GPR85: variants seen among roughly 807,000 people sequenced by gnomAD.
GPR85 encodes G protein-coupled receptor 85.
Under a neutral mutation model 21.3 loss-of-function variants are expected in GPR85, and 7 were observed. That is an observed-to-expected ratio of 0.33 (90% CI 0.19 to 0.62). The LOEUF is 0.62. Ranked by LOEUF, GPR85 falls within the 20% of genes least tolerant of loss-of-function variation. The probability of loss-of-function intolerance (pLI) is 0.80; values close to 1 mark genes in which losing one functional copy is unlikely to be tolerated. For synonymous variants in GPR85, 167 were observed against 166.1 expected, an observed-to-expected ratio of 1.01 and a Z score of -0.04; for missense variants, 299 against 443.8, an observed-to-expected ratio of 0.67 and a Z score of 2.93.
rs1562996778 is a variant in GPR85 at position 113,086,403 on chromosome 7, T to TG, written c.-371_-370insC. ...TTTTCTTTTTTTCTTTTTCTTTTTT[T>TG]TTTTTTTTTTTTTGTTTTTTGTTTT... On this transcript the variant is annotated 5_prime_UTR_variant, in exon 1 of 3. The change creates a premature stop within an existing upstream ORF in the 5' untranslated region. Transcript: ENST00000424100. 9 of 92,690 alleles carry TG rather than the reference T, an allele frequency of 9.7e-5. No individual in the cohort carries two copies. The highest frequency in any genetic ancestry group is 3.6e-4 in the East Asian group (1 of 2,768). 5.7% of individuals were successfully genotyped at this position (92,690 alleles called of 1,614,324 possible).
chr7:113,083,437 G>C lies in GPR85; in HGVS notation c.*172C>G, dbSNP rs1794188729. On this transcript the variant is annotated 3_prime_UTR_variant, in exon 3 of 3. Coordinates refer to ENST00000424100, the MANE Select transcript of GPR85 (RefSeq NM_001146267.2). This position sits in a 1 kb window ranked among gnomAD's most constrained non-coding sequence, Gnocchi z 4.4. ...TGCTGGCAGTCAGCAGGATCACTCT[G>C]AGATTTAAAATAGGATTATAGGTGA... 3.1e-6 allele frequency: 2 copies of C among 637,542 alleles called. No individual in the cohort carries two copies. The highest frequency in any genetic ancestry group is 5.4e-5 in the East Asian group (2 of 37,152). The allele number at this position is 637,542 out of a possible 1,614,324, so 39.5% of individuals were successfully genotyped here. A position where few individuals can be genotyped will look rare whatever the true frequency, so the allele number is the denominator to read the frequency against.
In GPR85 at chr7:113,084,221, C is replaced by T. The variant is rs1290995664; in HGVS notation, c.501G>A (p.Arg167=). Residue 167 remains arginine (R), a synonymous_variant, in exon 3 of 3, where the codon AGG becomes AGA. Transcript: ENST00000424100. ...GTTGGAAGGTGCATTGATCTTCCTC[C>T]CTAATGAATGAGTAAGTGCCCACGT... ...VLDVGTYSFI[R]EEDQCTFQHR... is the part of the protein sequence containing the mutation. 6 of 1,613,930 alleles carry T rather than the reference C, an allele frequency of 3.7e-6. No homozygotes were observed. The highest frequency in any genetic ancestry group is 2.2e-5 in the South Asian group (2 of 91,086).
rs1794231940 is a variant in GPR85, at chr7:113,084,847, A to C, written c.-126T>G. On this transcript the variant is annotated 5_prime_UTR_variant, in exon 3 of 3. Coordinates refer to ENST00000424100, the MANE Select transcript of GPR85 (RefSeq NM_001146267.2). ...CACAAAGAGAACTGATCTGATCTGC[A>C]GTCATGCTTCCTCTTTTCTTCCACT... 1.8e-6 allele frequency: 1 copy of C among 557,508 alleles called. No homozygotes were observed. 34.5% of individuals were successfully genotyped at this position (557,508 alleles called of 1,614,324 possible).
Position 113,083,538 on chromosome 7 carries a change from A to G in GPR85, c.*71T>C, listed in dbSNP as rs1794190974. On this transcript the variant is annotated 3_prime_UTR_variant, in exon 3 of 3. Coordinates refer to ENST00000424100, the MANE Select transcript of GPR85 (RefSeq NM_001146267.2). This position sits in a 1 kb window ranked among gnomAD's most constrained non-coding sequence, Gnocchi z 4.4. ...CCATTCTTGAATTTCTTCTCAAAAT[A>G]TGGCTATGGGCCACAATTGCTCAGC... 2 of 1,345,614 alleles carry G rather than the reference A, an allele frequency of 1.5e-6. No individual in the cohort carries two copies. Among genetic ancestry groups the G allele is most frequent in the African/African-American group, 1.5e-5 (1 of 68,428 alleles). The allele number at this position is 1,345,614 out of a possible 1,614,324, so 83.4% of individuals were successfully genotyped here. A position where few individuals can be genotyped will look rare whatever the true frequency, so the allele number is the denominator to read the frequency against.
intron 2 of GPR85, among the ~76,000 whole-genome samples, chr7:113,085,119 G>GA (rs1794240560): frequency 6.6e-6 from 1 of 152,156 alleles, no homozygotes; most frequent in South Asian, 2.1e-4. Context: ...ATATACATTT[G>GA]ATAGGGTAAC....
Position 113,084,307 on chromosome 7 carries a change from G to T in GPR85, c.415C>A (p.Leu139Met). 6.2e-7 allele frequency: 1 copy of T among 1,614,094 alleles called. No homozygotes were observed. Among genetic ancestry groups the T allele is most frequent in the Non-Finnish European group, 8.5e-7 (1 of 1,179,970 alleles). ...GTCCACACCATACAGATCACAGCCA[G>T]ACACGTCCAAAAGGTCAGCCTCTTT... is the stretch of plus-strand genomic sequence containing the variant. ...YTKRLTFWTCLAVICMVWTLS... is the reference protein window; with the variant it reads ...YTKRLTFWTCMAVICMVWTLS... The change falls in exon 3 of 3, where the codon CTG becomes ATG. Residue 139 changes from leucine (L) to methionine (M), a missense_variant. Physicochemically the swap from Leu to Met is conservative, Grantham distance 15. Coordinates refer to ENST00000424100, the MANE Select transcript of GPR85 (RefSeq NM_001146267.2).
rs760400830 is a variant in GPR85, at chr7:113,083,618, A to G, written c.1104T>C (p.Cys368=). 8.7e-6 allele frequency: 14 copies of G among 1,612,872 alleles called. No homozygotes were observed. Among genetic ancestry groups the G allele is most frequent in the Middle Eastern group, 1.6e-4 (1 of 6,066 alleles). The change falls in exon 3 of 3, where the codon TGT becomes TGC. Residue 368 remains cysteine (C), a synonymous_variant. Coordinates refer to ENST00000424100, the MANE Select transcript of GPR85 (RefSeq NM_001146267.2). The surrounding 1 kb of genome is among the most constrained non-coding windows in gnomAD (Gnocchi z 4.4). ...RKSRLPREPY[C]VI ...ATTTACAGATGCTCCCTCATATAAC[A>G]CAGTAAGGTTCCCTTGGTAACCTGG...
Position 113,082,480 on chromosome 7 carries a change from T to C in GPR85, c.*1129A>G, listed in dbSNP as rs1409880537. On this transcript the variant is annotated 3_prime_UTR_variant, in exon 3 of 3. Coordinates refer to ENST00000424100, the MANE Select transcript of GPR85 (RefSeq NM_001146267.2). ...AAGACTGTGCCTTCAGTAGAATAAA[T>C]GCTTCACAAATTGTGCAGGATGTCA... 3 of 152,556 alleles carry C rather than the reference T, an allele frequency of 2.0e-5. No homozygotes were observed. The highest frequency in any genetic ancestry group is 7.2e-5 in the African/African-American group (3 of 41,448). 9.5% of individuals were successfully genotyped at this position (152,556 alleles called of 1,614,324 possible).
In GPR85 at chr7:113,083,815, C is replaced by A. The variant is rs376602471; in HGVS notation, c.907G>T (p.Val303Leu). The A allele has an allele frequency of 6.2e-7, 1 of 1,614,070 alleles. No individual in the cohort carries two copies. Residue 303 changes from valine to leucine, a missense_variant, in exon 3 of 3, where the codon GTG (valine) becomes TTG (leucine). By Grantham distance (32) the Val-to-Leu change is conservative (BLOSUM62 1). This residue lies in a region of GPR85 where 198 missense variants were observed against 335.4 expected (regional missense o/e 0.59). Transcript: ENST00000424100. The surrounding 1 kb of genome is among the most constrained non-coding windows in gnomAD (Gnocchi z 4.4). ...GCAAAAACTCTCCAATAACAGGCCACCAGGTAGGGGCCCCACAAGGTTAGA... is the reference window on the plus strand; with the variant it reads ...GCAAAAACTCTCCAATAACAGGCCAACAGGTAGGGGCCCCACAAGGTTAGA... ...LFLTLWGPYLVACYWRVFARG... is the reference protein window; with the variant it reads ...LFLTLWGPYLLACYWRVFARG...
rs1794301281 is a variant in GPR85 at position 113,086,430 on chromosome 7, T to TTTTTTTTTTTTTTTTTTTTTTTTTTG, written c.-398_-397insCAAAAAAAAAAAAAAAAAAAAAAAAA. On this transcript the variant is annotated 5_prime_UTR_variant, in exon 1 of 3. The change abolishes the stop of an existing upstream ORF in the 5' untranslated region. Coordinates refer to ENST00000424100, the MANE Select transcript of GPR85 (RefSeq NM_001146267.2). ...TTTTTTTTTTTTGTTTTTTGTTTTT[T>TTTTTTTTTTTTTTTTTTTTTTTTTTG]TTTTTTTTTTTTTTGCCTTAGTGCC... 2 of 106,554 alleles carry TTTTTTTTTTTTTTTTTTTTTTTTTTG rather than the reference T, an allele frequency of 1.9e-5. No individual in the cohort carries two copies. The highest frequency in any genetic ancestry group is 3.8e-5 in the Non-Finnish European group (2 of 52,050). 6.6% of individuals were successfully genotyped at this position (106,554 alleles called of 1,614,324 possible).
chr7:113,083,451 G>A lies in GPR85; in HGVS notation c.*158C>T, dbSNP rs1172957780. 2.9e-6 allele frequency: 2 copies of A among 690,054 alleles called. No homozygotes were observed. Among genetic ancestry groups the A allele is most frequent in the East Asian group, 5.1e-5 (2 of 39,296 alleles). 42.7% of individuals were successfully genotyped at this position (690,054 alleles called of 1,614,324 possible). On this transcript the variant is annotated 3_prime_UTR_variant, in exon 3 of 3. Transcript: ENST00000424100. This position sits in a 1 kb window ranked among gnomAD's most constrained non-coding sequence, Gnocchi z 4.4. Reference sequence around the variant, plus strand: ...AGGATCACTCTGAGATTTAAAATAGGATTATAGGTGAACTATTGCAAAGAC... The same window carrying A: ...AGGATCACTCTGAGATTTAAAATAGAATTATAGGTGAACTATTGCAAAGAC...
In GPR85 at chr7:113,084,879, G is replaced by A. The variant is rs1794232462; in HGVS notation, c.-158C>T. On this transcript the variant is annotated 5_prime_UTR_variant, in exon 3 of 3. Transcript: ENST00000424100. ...CTTCCTCTTTTCTTCCACTTGTTTT[G>A]CCATCAGAATATCTGAAAAAAAAAA... The A allele has an allele frequency of 7.7e-6, 3 of 387,820 alleles. No homozygotes were observed. Among genetic ancestry groups the A allele is most frequent in the South Asian group, 1.3e-4 (2 of 14,852 alleles). 24.0% of individuals were successfully genotyped at this position (387,820 alleles called of 1,614,324 possible).
rs1032786808 is a variant in GPR85, at chr7:113,082,946, A to G, written c.*663T>C. On this transcript the variant is annotated 3_prime_UTR_variant, in exon 3 of 3. Transcript: ENST00000424100. The stretch of plus-strand genomic sequence containing the variant: ...AACAAAAACCACATAATACAGTTCA[A>G]TGCTAGCAATCTTACTAGTAGATGA... 3 of 152,752 alleles carry G rather than the reference A, an allele frequency of 2.0e-5. No individual in the cohort carries two copies. The highest frequency in any genetic ancestry group is 1.9e-4 in the East Asian group (1 of 5,180). 9.5% of individuals were successfully genotyped at this position (152,752 alleles called of 1,614,324 possible).
rs1328787728 is a variant in GPR85 at position 113,084,631 on chromosome 7, T to C, written c.91A>G (p.Ile31Val). 1.2e-6 allele frequency: 2 copies of C among 1,613,664 alleles called. No individual in the cohort carries two copies. Among genetic ancestry groups the C allele is most frequent in the Non-Finnish European group, 1.7e-6 (2 of 1,179,742 alleles). ...AGGTTGCCCACCACGCTGACTCCTA[T>C]TATGAAACCCAAGGAAGTCAGTTTC... Reference protein sequence around the residue: ...FLKLTSLGFIIGVSVVGNLLI... With the variant: ...FLKLTSLGFIVGVSVVGNLLI... The change falls in exon 3 of 3, where the codon ATA (isoleucine) becomes GTA (valine). Residue 31 changes from isoleucine (I) to valine (V), a missense_variant. This residue lies in a region of GPR85 where 101 missense variants were observed against 108.4 expected (regional missense o/e 0.93). Transcript: ENST00000424100.
rs138737854 is a variant in GPR85, at chr7:113,083,999, G to T, written c.723C>A (p.Ala241=). 2.9e-4 allele frequency: 467 copies of T among 1,614,046 alleles called. No individual in the cohort carries two copies. The highest frequency in any genetic ancestry group is 3.9e-4 in the Non-Finnish European group (455 of 1,180,044). Residue 241 remains alanine, a synonymous_variant, in exon 3 of 3, where the codon GCC becomes GCA. Transcript: ENST00000424100. This position sits in a 1 kb window ranked among gnomAD's most constrained non-coding sequence, Gnocchi z 4.4. The stretch of plus-strand genomic sequence containing the variant: ...CCCTTCCAAATCCTGCTAGCCAATT[G>T]GCAGCTGCCTGGCCACTGGCTCCAG... ...HGPGASGQAA[A]NWLAGFGRGP...
Position 113,084,247 on chromosome 7 carries a change from C to T in GPR85, c.475G>A (p.Asp159Asn). The T allele has an allele frequency of 6.2e-7, 1 of 1,614,128 alleles. No homozygotes were observed. The highest frequency in any genetic ancestry group is 1.1e-5 in the South Asian group (1 of 91,072). The stretch of plus-strand genomic sequence containing the variant: ...CTAATGAATGAGTAAGTGCCCACGT[C>T]TAAAACCGGGGGAAATGCCATGGCC... ...SVAMAFPPVL[D>N]VGTYSFIREE... is the part of the protein sequence containing the mutation. Residue 159 changes from aspartate (D) to asparagine (N), a missense_variant, in exon 3 of 3, where the codon GAC becomes AAC. Asp to Asn is a conservative substitution (Grantham distance 23). Around this residue, in one of 2 missense-constraint regions of GPR85, gnomAD observed 198 missense variants for 335.4 expected, o/e 0.59. Transcript: ENST00000424100.
rs1794302431 is a variant in GPR85 at position 113,086,431 on chromosome 7, T to TTTTTTTTTTTG, written c.-399_-398insCAAAAAAAAAA. ...TTTTTTTTTTTGTTTTTTGTTTTTT[T>TTTTTTTTTTTG]TTTTTTTTTTTTTGCCTTAGTGCCT... On this transcript the variant is annotated 5_prime_UTR_variant, in exon 1 of 3. The change abolishes the stop of an existing upstream ORF in the 5' untranslated region. Coordinates refer to ENST00000424100, the MANE Select transcript of GPR85 (RefSeq NM_001146267.2). The TTTTTTTTTTTG allele has an allele frequency of 5.5e-5, 6 of 108,234 alleles. No individual in the cohort carries two copies. Among genetic ancestry groups the TTTTTTTTTTTG allele is most frequent in the Non-Finnish European group, 9.5e-5 (5 of 52,470 alleles). 6.7% of individuals were successfully genotyped at this position (108,234 alleles called of 1,614,324 possible). A position where few individuals can be genotyped will look rare whatever the true frequency, so the allele number is the denominator to read the frequency against.
chr7:113,083,728 C>T lies in GPR85; in HGVS notation c.994G>A (p.Ala332Thr). 1.2e-6 allele frequency: 2 copies of T among 1,614,226 alleles called. No homozygotes were observed. The highest frequency in any genetic ancestry group is 1.7e-6 in the Non-Finnish European group (2 of 1,180,034). ...TAAVWMSFAQAGINPFVCIFS... is the reference protein window; with the variant it reads ...TAAVWMSFAQTGINPFVCIFS... The stretch of plus-strand genomic sequence containing the variant: ...ATGCAGACAAAAGGATTGATTCCTG[C>T]TTGGGCAAAACTCATCCAGACAGCA... The change falls in exon 3 of 3, where the codon GCA becomes ACA. Residue 332 changes from alanine (A) to threonine (T), a missense_variant. Transcript: ENST00000424100. The surrounding 1 kb of genome is among the most constrained non-coding windows in gnomAD (Gnocchi z 4.4).
In GPR85 at chr7:113,086,403, T is replaced by TTTTTTTTTTTTTG. The variant is rs1794289759; in HGVS notation, c.-371_-370insCAAAAAAAAAAAA. ...TTTTCTTTTTTTCTTTTTCTTTTTT[T>TTTTTTTTTTTTTG]TTTTTTTTTTTTTGTTTTTTGTTTT... On this transcript the variant is annotated 5_prime_UTR_variant, in exon 1 of 3. The change abolishes the stop of an existing upstream ORF in the 5' untranslated region. Transcript: ENST00000424100. 1.1e-5 allele frequency: 1 copy of TTTTTTTTTTTTTG among 92,662 alleles called. No homozygotes were observed. Among genetic ancestry groups the TTTTTTTTTTTTTG allele is most frequent in the African/African-American group, 4.6e-5 (1 of 21,530 alleles). 5.7% of individuals were successfully genotyped at this position (92,662 alleles called of 1,614,324 possible). A position where few individuals can be genotyped will look rare whatever the true frequency, so the allele number is the denominator to read the frequency against.
Sources: gnomAD v4.1 joint callset for allele counts (sites outside exome capture counted in the v4.1 genomes callset) on GRCh38, gnomAD v4.1.1 for gene constraint, gnomAD v4.1.1 regional missense constraint, Gnocchi (gnomAD v3.1) non-coding constraint, MANE v1.5 for transcripts, NCBI Gene and HGNC (gene_info 2026-07-23, HGNC 2026-07-21) for gene names.